The following GABRR3 variants were observed in gnomAD, a reference collection of about 807,000 sequenced individuals.
The protein encoded by GABRR3 is gamma-aminobutyric acid type A receptor subunit rho3, also known as gamma-aminobutyric acid receptor subunit rho-3.
GABRR3 carries 29 observed loss-of-function variants against 43.2 expected under a neutral mutation model. The ratio of observed to expected loss-of-function variants is 0.67; its 90% CI spans 0.50 to 0.92. GABRR3 has a LOEUF of 0.92. Ranked by LOEUF, GABRR3 falls within the 40% of genes least tolerant of loss-of-function variation. GABRR3 has a pLI of 0.00. For missense variants in GABRR3, 576 were observed against 572.3 expected (o/e 1.01, Z -0.07); for synonymous variants, 206 against 195.9 (o/e 1.05, Z -0.43).
intron 9 of GABRR3, among the ~76,000 whole-genome samples, chr3:97,988,292 G>C (rs932140549): frequency 6.6e-6 from 1 of 152,026 alleles, no homozygotes; most frequent in South Asian, 2.1e-4. Flanking sequence ...TGCTGAAGCT[G>C]GTCTTGAACT....
intron 3 of GABRR3, among the ~76,000 whole-genome samples, chr3:98,020,125 G>A (rs1706921706): frequency 6.6e-6 from 1 of 152,078 alleles, no homozygotes; most frequent in South Asian, 2.1e-4. Flanking sequence ...AAAAGGTCTT[G>A]GAGGAGCGGC....
At chr3:98,006,127 G>A (rs1706721832) in intron 7 of GABRR3, among the ~76,000 whole-genome samples, 1 of 151,620 alleles carries the variant, frequency 6.6e-6, no homozygotes, top group Non-Finnish European at 1.5e-5. Flanking sequence ...AGGAGAAGAA[G>A]GAGGAGCAGA....
chr3:98,010,500 C>T (rs962426943), intron 5 of GABRR3, among the ~76,000 whole-genome samples: 7 of 152,100 alleles, frequency 4.6e-5, no homozygotes, highest in African/African-American at 1.4e-4. Flanking sequence ...AAGTCTCCAC[C>T]GTAAATCACA....
intron 8 of GABRR3, among the ~76,000 whole-genome samples, chr3:97,996,396 C>A (rs917054926): frequency 2.6e-5 from 4 of 152,148 alleles, no homozygotes; most frequent in African/African-American, 9.7e-5. Flanking sequence ...TTCTCATAAT[C>A]TCTGTGACCA....
chr3:98,006,865 GT>G (rs1423454217), intron 7 of GABRR3, among the ~76,000 whole-genome samples: 3 of 152,170 alleles, frequency 2.0e-5, no homozygotes, highest in East Asian at 3.9e-4. Context: ...TTGGATAAAA[GT>G]TGTCAATTCA....
chr3:98,017,905 A>C (rs1251015773), intron 3 of GABRR3, among the ~76,000 whole-genome samples, 183 bp from the exon 4 acceptor site: 1 of 152,120 alleles, frequency 6.6e-6, no homozygotes, highest in East Asian at 1.9e-4. Flanking sequence ...TAATAAAGGC[A>C]CATGTGTAAA....
At chr3:98,020,276 T>C (rs1338971477) in intron 3 of GABRR3, among the ~76,000 whole-genome samples, 1 of 152,116 alleles carries the variant, frequency 6.6e-6, no homozygotes. Context: ...TAGTAATACT[T>C]ACCTTGGAGA....
chr3:97,993,085 G>A (rs1315527119), intron 8 of GABRR3, 37 bp from the exon 9 acceptor site: 4 of 1,489,012 alleles, frequency 2.7e-6, no homozygotes, highest in Non-Finnish European at 3.6e-6. Context: ...CAGTGATATA[G>A]CCATTCATTT....
At chr3:98,019,032 T>G (rs559586928) in intron 3 of GABRR3, among the ~76,000 whole-genome samples, 1 of 150,784 alleles carries the variant, frequency 6.6e-6, no homozygotes, top group Non-Finnish European at 1.5e-5. Flanking sequence ...ATTGCTTGAA[T>G]GCAGGAGGCA....
chr3:97,988,876 A>G (rs1327789681), intron 9 of GABRR3, among the ~76,000 whole-genome samples: 3 of 122,224 alleles, frequency 2.5e-5, no homozygotes, highest in Non-Finnish European at 5.2e-5. Flanking sequence ...GTAGGTGGTG[A>G]ATGGTGGTAG....
intron 5 of GABRR3, among the ~76,000 whole-genome samples, chr3:98,011,288 G>A (rs1488237130): frequency 6.6e-6 from 1 of 152,136 alleles, no homozygotes; most frequent in African/African-American, 2.4e-5. Flanking sequence ...CAAATCTGGT[G>A]GTTTAATACA....
intron 5 of GABRR3, 48 bp from the exon 6 acceptor site, chr3:98,009,086 G>T: frequency 1.7e-6 from 2 of 1,208,556 alleles, no homozygotes; most frequent in Non-Finnish European, 1.2e-6. Context: ...TTAACCATCT[G>T]GCCAAATGAG....
chr3:98,026,233 G>T (rs114526996), intron 2 of GABRR3, among the ~76,000 whole-genome samples: 2 of 152,108 alleles, frequency 1.3e-5, no homozygotes, highest in African/African-American at 4.8e-5. Context: ...AGAGCGCACC[G>T]GGCAGAATTC....
intron 9 of GABRR3, 59 bp from the exon 10 acceptor site, chr3:97,987,041 T>A (rs1307769643): frequency 9.0e-7 from 1 of 1,106,740 alleles, no homozygotes; most frequent in Non-Finnish European, 1.3e-6. Context: ...ATAGGAATTA[T>A]GGTAAATAAT....
intron 8 of GABRR3, among the ~76,000 whole-genome samples, chr3:97,994,041 A>G (rs945944660): frequency 3.3e-5 from 5 of 152,232 alleles, no homozygotes; most frequent in Non-Finnish European, 7.3e-5. Context: ...TTTGAAATGT[A>G]CACTGGCTGG....
At chr3:98,015,377 G>A (rs182423182) in intron 4 of GABRR3, among the ~76,000 whole-genome samples, 1 of 152,240 alleles carries the variant, frequency 6.6e-6, no homozygotes, top group Admixed American at 6.5e-5. Flanking sequence ...TGTATTTTCA[G>A]TAGAAACAGG....
intron 9 of GABRR3, among the ~76,000 whole-genome samples, chr3:97,989,525 A>G (rs570465683): frequency 6.6e-6 from 1 of 151,574 alleles, no homozygotes; most frequent in African/African-American, 2.4e-5. Flanking sequence ...GGTGGATGGT[A>G]GTAGTAATGG....
chr3:97,993,480 C>A (rs1314247096), intron 8 of GABRR3, among the ~76,000 whole-genome samples: 1 of 152,146 alleles, frequency 6.6e-6, no homozygotes, highest in Non-Finnish European at 1.5e-5. Context: ...TTTAATATTT[C>A]ATGCTTCCGG....
At chr3:97,993,541 C>G (rs1216961848) in intron 8 of GABRR3, among the ~76,000 whole-genome samples, 1 of 152,024 alleles carries the variant, frequency 6.6e-6, no homozygotes, top group Non-Finnish European at 1.5e-5. Flanking sequence ...GATTGCTATT[C>G]TCTATATTAT....
Sources: allele counts gnomAD v4.1 joint callset (sites outside exome capture counted in the v4.1 genomes callset), GRCh38; gene constraint gnomAD v4.1.1; transcripts MANE v1.5; gene names NCBI Gene and HGNC (gene_info 2026-07-23, HGNC 2026-07-21).